CCDC146: variants seen among roughly 807,000 people sequenced by gnomAD.
CCDC146 encodes coiled-coil domain-containing protein 146.
CCDC146 carries 92 observed loss-of-function variants against 119.3 expected under a neutral mutation model. The observed-to-expected ratio is 0.77, with a 90% CI of 0.65 to 0.92. The LOEUF is 0.92. CCDC146 is among the 40% of genes least tolerant of loss of function. The probability of loss-of-function intolerance (pLI) is 0.00; values close to 1 mark genes in which losing one functional copy is unlikely to be tolerated. For missense variants in CCDC146, 1,000 were observed against 1,103.0 expected (o/e 0.91, Z 1.32); for synonymous variants, 372 against 371.8 (o/e 1.00, Z -0.01).
chr7:77,279,328 GAA>G (rs994523496), intron 13 of CCDC146, among the ~76,000 whole-genome samples: 1 of 152,034 alleles, frequency 6.6e-6, no homozygotes, highest in Non-Finnish European at 1.5e-5. Context: ...TAGAAATCCA[GAA>G]AAAGCCCTTG....
intron 1 of CCDC146, among the ~76,000 whole-genome samples, chr7:77,128,069 T>C (rs1790714502): frequency 6.6e-6 from 1 of 152,150 alleles, no homozygotes; most frequent in Non-Finnish European, 1.5e-5. Context: ...TTACCTTCTC[T>C]TGCCTTTTTA....
At chr7:77,269,341 C>G (rs886268733) in intron 9 of CCDC146, among the ~76,000 whole-genome samples, 2 of 151,960 alleles carry the variant, frequency 1.3e-5, no homozygotes, top group Non-Finnish European at 2.9e-5. Context: ...ATGATGGTTT[C>G]TTTTTCTTCT....
At chr7:77,248,323 C>CAT (rs1466229126) in intron 4 of CCDC146, among the ~76,000 whole-genome samples, 1 of 152,142 alleles carries the variant, frequency 6.6e-6, no homozygotes. Flanking sequence ...AATGGGTATA[C>CAT]ATGTATATAA....
chr7:77,264,611 C>T (rs1793366357), intron 9 of CCDC146, among the ~76,000 whole-genome samples: 1 of 152,220 alleles, frequency 6.6e-6, no homozygotes. Flanking sequence ...CTCATATACA[C>T]AGCACATACT....
intron 2 of CCDC146, among the ~76,000 whole-genome samples, chr7:77,176,572 C>T (rs149256184): frequency 1.3e-5 from 2 of 152,068 alleles, no homozygotes; most frequent in East Asian, 3.9e-4. Context: ...TGGGGGAAGT[C>T]TCTGGCTAGA....
At chr7:77,271,515 T>TAGATAGATAGATAG (rs1562856508) in intron 9 of CCDC146, among the ~76,000 whole-genome samples, 5 of 330 alleles carry the variant, frequency 0.015, no homozygotes, top group African/African-American at 0.032. Flanking sequence ...TAATAGGAGA[T>TAGATAGATAGATAG]ATATATATAT....
At chr7:77,134,171 T>C (rs1474317170) in intron 1 of CCDC146, among the ~76,000 whole-genome samples, 1 of 150,594 alleles carries the variant, frequency 6.6e-6, no homozygotes, top group Non-Finnish European at 1.5e-5. Context: ...AAAAAAAAAA[T>C]CCTTGTAAAA....
chr7:77,211,609 T>A (rs35318037), intron 2 of CCDC146, among the ~76,000 whole-genome samples: 197 of 151,778 alleles, frequency 1.3e-3, no homozygotes, highest in African/African-American at 4.3e-3. Context: ...TTTTTTTTAT[T>A]TTTATTTATT....
chr7:77,132,844 G>T (rs557132010), intron 1 of CCDC146, among the ~76,000 whole-genome samples: 42 of 152,202 alleles, frequency 2.8e-4, no homozygotes, highest in African/African-American at 9.4e-4. Flanking sequence ...TGTCTCTATA[G>T]ATTTTTTTTC....
At position 77,294,937 on chromosome 7, in the gene CCDC146, A is replaced by T. The variant is rs945566996; in HGVS notation, c.*71A>T. ...GCTTCCTTGTACCCACAGGTGAAAAATGTGAGCATAATACTTCTAATATTA... is the reference window on the plus strand; with the variant it reads ...GCTTCCTTGTACCCACAGGTGAAAATTGTGAGCATAATACTTCTAATATTA... On this transcript the variant is annotated 3_prime_UTR_variant, in exon 19 of 19. Coordinates refer to ENST00000285871, the MANE Select transcript of CCDC146 (RefSeq NM_020879.3). 1.3e-4 allele frequency: 158 copies of T among 1,223,148 alleles called. No individual in the cohort carries two copies. The highest frequency in any genetic ancestry group is 1.7e-4 in the Non-Finnish European group (149 of 862,352). 75.8% of individuals were successfully genotyped at this position (1,223,148 alleles called of 1,614,324 possible). A position where few individuals can be genotyped will look rare whatever the true frequency, so the allele number is the denominator to read the frequency against.
intron 1 of CCDC146, among the ~76,000 whole-genome samples, chr7:77,124,647 T>TTTA (rs1790668439): frequency 6.6e-6 from 1 of 152,214 alleles, no homozygotes; most frequent in African/African-American, 2.4e-5. Context: ...TTTTTTCTCC[T>TTTA]TATTTAGAGT....
chr7:77,224,686 C>G (rs1168206259), intron 2 of CCDC146, among the ~76,000 whole-genome samples: 1 of 152,090 alleles, frequency 6.6e-6, no homozygotes, highest in Non-Finnish European at 1.5e-5. Context: ...TTGGAGAAGG[C>G]GGCAGCTACC....
intron 4 of CCDC146, among the ~76,000 whole-genome samples, chr7:77,247,681 A>T (rs1268278474): frequency 1.3e-5 from 2 of 152,242 alleles, no homozygotes; most frequent in African/African-American, 2.4e-5. Flanking sequence ...AATGGCTAAG[A>T]ATCAAATGAA....
intron 2 of CCDC146, among the ~76,000 whole-genome samples, chr7:77,234,473 G>A (rs531595808): frequency 6.9e-4 from 105 of 152,302 alleles, no homozygotes; most frequent in African/African-American, 2.3e-3. Flanking sequence ...AGTGGCTCAC[G>A]CCTGTAATCC....
chr7:77,249,969 T>C lies in CCDC146; in HGVS notation c.450-4537T>C, dbSNP rs1793027666. On this transcript the variant is annotated intron_variant, in intron 4 of 18. Coordinates refer to ENST00000285871, the MANE Select transcript of CCDC146 (RefSeq NM_020879.3). Reference sequence around the variant, plus strand: ...TTTCTCTCCTTTCTTAGTATATCAGTTGTACATCTTTTTTTACTTTAAGTG... The same window carrying C: ...TTTCTCTCCTTTCTTAGTATATCAGCTGTACATCTTTTTTTACTTTAAGTG... Among the ~76,000 whole-genome samples the C allele has an allele frequency of 1.3e-5, 2 of 152,224 alleles. 1 individual carries two copies. Among genetic ancestry groups the C allele is most frequent in the South Asian group, 4.1e-4 (2 of 4,828 alleles).
chr7:77,246,643 A>G (rs746618005), intron 4 of CCDC146, among the ~76,000 whole-genome samples: 5 of 152,234 alleles, frequency 3.3e-5, no homozygotes, highest in Non-Finnish European at 7.3e-5. Context: ...GCATAAAGAT[A>G]TTGATATTTA....
chr7:77,239,892 A>AAT (rs2150486894), intron 3 of CCDC146, among the ~76,000 whole-genome samples: 1 of 152,324 alleles, frequency 6.6e-6, no homozygotes, highest in East Asian at 1.9e-4. Flanking sequence ...AAGGTCATAG[A>AAT]ATATAACTGG....
chr7:77,262,970 T>C (rs764640835), intron 9 of CCDC146, among the ~76,000 whole-genome samples: 3 of 152,218 alleles, frequency 2.0e-5, no homozygotes, highest in Non-Finnish European at 4.4e-5. Context: ...AGCCTTGTGC[T>C]AGAGCCTTCC....
intron 1 of CCDC146, among the ~76,000 whole-genome samples, chr7:77,149,230 G>A (rs368967285): frequency 6.6e-6 from 1 of 152,292 alleles, no homozygotes; most frequent in Non-Finnish European, 1.5e-5. Flanking sequence ...AATGGGGAAA[G>A]GATTCCCTAT....
Sources: allele counts gnomAD v4.1 joint callset (sites outside exome capture counted in the v4.1 genomes callset), GRCh38; gene constraint gnomAD v4.1.1; transcripts MANE v1.5; gene names NCBI Gene and HGNC (gene_info 2026-07-23, HGNC 2026-07-21).